The following PARP9 variants were observed in gnomAD, a reference collection of about 807,000 sequenced individuals.
PARP9 encodes the protein poly(ADP-ribose) polymerase family member 9, also known as protein mono-ADP-ribosyltransferase PARP9.
A neutral mutation model predicts 68.8 loss-of-function variants in PARP9; 48 were observed. That is an observed-to-expected ratio of 0.70 (90% CI 0.55 to 0.89). PARP9 has a LOEUF of 0.89. Among genes scored for constraint, PARP9 ranks in the 40% least tolerant of loss-of-function variants. The probability of loss-of-function intolerance (pLI) is 0.00; values close to 1 mark genes in which losing one functional copy is unlikely to be tolerated. For missense variants in PARP9, 806 were observed against 969.3 expected, an observed-to-expected ratio of 0.83 and a Z score of 2.24; for synonymous variants, 309 against 333.8, an observed-to-expected ratio of 0.93 and a Z score of 0.81.
At position 122,555,716 on chromosome 3, in the gene PARP9, C is replaced by T. The variant is rs2079575634; in HGVS notation, c.455G>A (p.Arg152Lys). ...AGEIAVTGAG[R>K]LPCKQIIHAV... is the part of the protein sequence containing the mutation. ...ATGGATGATCTGTTTGCAGGGAAGC[C>T]TCCCTGCTCCCGTGACAGCTATCTC... Residue 152 changes from arginine (R) to lysine (K), a missense_variant, in exon 4 of 11, where the codon AGG becomes AAG. By Grantham distance (26) the Arg-to-Lys change is conservative. Around this residue, in one of 2 missense-constraint regions of PARP9, gnomAD observed 680 missense variants for 858.8 expected, o/e 0.79. Coordinates refer to ENST00000682323, the MANE Select transcript of PARP9 (RefSeq NM_001146105.2). 3 of 1,614,050 alleles carry T rather than the reference C, an allele frequency of 1.9e-6. No homozygotes were observed. Among genetic ancestry groups the T allele is most frequent in the Middle Eastern group, 1.6e-4 (1 of 6,062 alleles).
At position 122,552,470 on chromosome 3, in the gene PARP9, A is replaced by G. The variant is rs779765562; in HGVS notation, c.1055T>C (p.Phe352Ser). The G allele has an allele frequency of 6.2e-7, 1 of 1,614,000 alleles. No individual in the cohort carries two copies. Among genetic ancestry groups the G allele is most frequent in the Non-Finnish European group, 8.5e-7 (1 of 1,180,018 alleles). ...LVLVTKGFNLFCKYIYHVLWH... is the reference protein window; with the variant it reads ...LVLVTKGFNLSCKYIYHVLWH... The stretch of plus-strand genomic sequence containing the variant: ...CAGTACATGGTATATATATTTACAG[A>G]ACAAGTTAAATCCTTTTGTGACCAG... The change falls in exon 5 of 11, where the codon TTC becomes TCC. Residue 352 changes from phenylalanine to serine, a missense_variant. Phe to Ser is a radical substitution (Grantham distance 155). This residue lies in a region of PARP9 where 680 missense variants were observed against 858.8 expected (regional missense o/e 0.79). Coordinates refer to ENST00000682323, the MANE Select transcript of PARP9 (RefSeq NM_001146105.2).
intron 7 of PARP9, among the ~76,000 whole-genome samples, chr3:122,545,016 G>A (rs1354323593): frequency 6.6e-6 from 1 of 152,068 alleles, no homozygotes; most frequent in Non-Finnish European, 1.5e-5. Context: ...TGATTACTTG[G>A]GTTTGAGTAA....
intron 10 of PARP9, chr3:122,532,489 A>G: frequency 1.1e-6 from 1 of 917,724 alleles, no homozygotes; most frequent in Non-Finnish European, 1.3e-6. Flanking sequence ...AACTCTGAAA[A>G]TGACTGAGTT....
intron 10 of PARP9, chr3:122,534,299 G>C (rs887940431): frequency 1.0e-6 from 1 of 979,956 alleles, no homozygotes; most frequent in Non-Finnish European, 1.2e-6. Flanking sequence ...TCTAGCCTGT[G>C]AGAAAATCCA....
At chr3:122,539,514 T>TCTTC in intron 8 of PARP9, among the ~76,000 whole-genome samples, 2 of 23,206 alleles carry the variant, frequency 8.6e-5, no homozygotes, top group African/African-American at 3.8e-4. Context: ...GGCATTTCTT[T>TCTTC]CTTTCTTTCT....
At chr3:122,542,758 G>A (rs1046266972) in intron 7 of PARP9, among the ~76,000 whole-genome samples, 2 of 151,622 alleles carry the variant, frequency 1.3e-5, no homozygotes, top group African/African-American at 4.8e-5. Flanking sequence ...GATTACAGGC[G>A]TGAGCCACTG....
intron 1 of PARP9, among the ~76,000 whole-genome samples, chr3:122,560,660 A>G (rs1325554397): frequency 6.6e-6 from 1 of 152,198 alleles, no homozygotes; most frequent in Non-Finnish European, 1.5e-5. Flanking sequence ...TGCTGGGATT[A>G]CAGGCGTGAG....
intron 10 of PARP9, chr3:122,534,998 A>G: frequency 1.0e-6 from 1 of 979,964 alleles, no homozygotes; most frequent in Non-Finnish European, 1.2e-6. Context: ...TTTAGTAAGA[A>G]AGATGTGTAT....
chr3:122,537,033 C>T lies in PARP9; in HGVS notation c.1806G>A (p.Met602Ile). 6.2e-7 allele frequency: 1 copy of T among 1,613,524 alleles called. No individual in the cohort carries two copies. The highest frequency in any genetic ancestry group is 8.5e-7 in the Non-Finnish European group (1 of 1,179,638). ...TIQQQKTQDE[M>I]KENIIFLKCP... ...ATTTCAGAAATATGATATTTTCTTTCATTTCGTCTTGGGTTTTTTGTTGCT... is the reference window on the plus strand; with the variant it reads ...ATTTCAGAAATATGATATTTTCTTTTATTTCGTCTTGGGTTTTTTGTTGCT... Residue 602 changes from methionine (M) to isoleucine (I), a missense_variant, in exon 9 of 11, where the codon ATG becomes ATA. Physicochemically the swap from Met to Ile is conservative, Grantham distance 10 (BLOSUM62 1). Transcript: ENST00000682323.
intron 8 of PARP9, 83 bp downstream of exon 8, chr3:122,540,389 C>T (rs1322211700): frequency 6.7e-7 from 1 of 1,492,834 alleles, no homozygotes. Context: ...TGTCTCTTAC[C>T]CACATCCATA....
intron 6 of PARP9, among the ~76,000 whole-genome samples, chr3:122,547,485 T>C (rs2078856717): frequency 6.6e-6 from 1 of 152,108 alleles, no homozygotes. Context: ...ATGCATATTT[T>C]TGTTTGTATG....
At position 122,555,701 on chromosome 3, in the gene PARP9, T is replaced by C. The variant is rs778055276; in HGVS notation, c.470A>G (p.Gln157Arg). 16 of 1,614,124 alleles carry C rather than the reference T, an allele frequency of 9.9e-6. No homozygotes were observed. In the East Asian group the frequency reaches 3.1e-4, roughly 31 times the overall value. Residue 157 changes from glutamine (Q) to arginine (R), a missense_variant, in exon 4 of 11, where the codon CAG (glutamine) becomes CGG (arginine). By Grantham distance (43) the Gln-to-Arg change is conservative (BLOSUM62 1). Transcript: ENST00000682323. ...CCGAGGCCCAACAGCATGGATGATC[T>C]GTTTGCAGGGAAGCCTCCCTGCTCC... ...VTGAGRLPCKQIIHAVGPRWM... is the reference protein window; with the variant it reads ...VTGAGRLPCKRIIHAVGPRWM...
intron 10 of PARP9, chr3:122,532,426 G>C: frequency 1.0e-6 from 1 of 985,142 alleles, no homozygotes. Flanking sequence ...CAAAAGAGGA[G>C]AAAAGGGGCA....
At position 122,555,630 on chromosome 3, in the gene PARP9, C is replaced by T; in HGVS notation, c.541G>A (p.Ala181Thr). ...ACATAATTCAGAATACTTACAATGG[C>T]CCTCTGCAGCTTTCCAGTACATCCC... ...KQGCTGKLQR[A>T]IVSILNYVIY... is the part of the protein sequence containing the mutation. Residue 181 changes from alanine to threonine, a missense_variant, in exon 4 of 11, where the codon GCC becomes ACC. By Grantham distance (58) the Ala-to-Thr change is moderately conservative (BLOSUM62 0). This residue lies in a region of PARP9 where 680 missense variants were observed against 858.8 expected (regional missense o/e 0.79). Coordinates refer to ENST00000682323, the MANE Select transcript of PARP9 (RefSeq NM_001146105.2). 6.2e-7 allele frequency: 1 copy of T among 1,614,074 alleles called. No homozygotes were observed. Among genetic ancestry groups the T allele is most frequent in the South Asian group, 1.1e-5 (1 of 91,060 alleles).
chr3:122,557,760 C>T (rs1484426105), intron 3 of PARP9, among the ~76,000 whole-genome samples: 1 of 152,150 alleles, frequency 6.6e-6, no homozygotes, highest in African/African-American at 2.4e-5. Flanking sequence ...ATTCTGCTTC[C>T]TGGAGGACCC....
intron 4 of PARP9, among the ~76,000 whole-genome samples, chr3:122,554,218 C>T (rs1225346362): frequency 6.6e-6 from 1 of 152,030 alleles, no homozygotes; most frequent in Non-Finnish European, 1.5e-5. Context: ...ACCCAGAAAG[C>T]TTCCCCTCCT....
intron 6 of PARP9, chr3:122,545,721 T>C (rs2078652521): frequency 1.7e-5 from 9 of 532,044 alleles, no homozygotes; most frequent in Non-Finnish European, 2.3e-5. Context: ...AAATCTGGTA[T>C]AAATAAAGAA....
At chr3:122,532,772 AG>A (rs1373045773) in intron 10 of PARP9, 3 of 152,218 alleles carry the variant, frequency 2.0e-5, no homozygotes, top group Admixed American at 2.0e-4. Flanking sequence ...CTTAAAGAAT[AG>A]GGGTTTGTAG....
At chr3:122,550,344 G>T (rs2079101531) in intron 6 of PARP9, among the ~76,000 whole-genome samples, 1 of 152,192 alleles carries the variant, frequency 6.6e-6, no homozygotes, top group African/African-American at 2.4e-5. Flanking sequence ...CTCCCAGAGT[G>T]CTGGGATTAC....
Sources: gnomAD v4.1 joint callset for allele counts (sites outside exome capture counted in the v4.1 genomes callset) on GRCh38, gnomAD v4.1.1 for gene constraint, gnomAD v4.1.1 regional missense constraint, MANE v1.5 for transcripts, NCBI Gene and HGNC (gene_info 2026-07-23, HGNC 2026-07-21) for gene names.